The following DAPK1 variants were observed in gnomAD, a reference collection of about 807,000 sequenced individuals.
DAPK1 encodes death-associated protein kinase 1.
In DAPK1, 56 loss-of-function variants were observed where a neutral mutation model predicts 144.9. The observed-to-expected ratio is 0.39, with a 90% CI of 0.31 to 0.48. DAPK1 has a LOEUF of 0.48. DAPK1 is among the 20% of genes least tolerant of loss of function. The pLI is 0.95. For missense variants in DAPK1, 1,454 were observed against 1,875.4 expected (o/e 0.78, Z 4.15); for synonymous variants, 690 against 749.0 (o/e 0.92, Z 1.29).
intron 18 of DAPK1, among the ~76,000 whole-genome samples, chr9:87,662,712 CAG>C (rs1830907386): frequency 6.6e-6 from 1 of 151,484 alleles, no homozygotes; most frequent in South Asian, 2.1e-4. Flanking sequence ...TTTATTAACT[CAG>C]AATTTTTTGG....
At chr9:87,556,870 G>A (rs1826739257) in intron 2 of DAPK1, among the ~76,000 whole-genome samples, 1 of 152,206 alleles carries the variant, frequency 6.6e-6, no homozygotes, top group Non-Finnish European at 1.5e-5. Flanking sequence ...CAGAGCCTTT[G>A]CAGGCCAGGC....
chr9:87,575,781 G>A (rs1024544761), intron 2 of DAPK1, among the ~76,000 whole-genome samples: 1 of 152,182 alleles, frequency 6.6e-6, no homozygotes, highest in African/African-American at 2.4e-5. Flanking sequence ...TTAGAAAAGA[G>A]TGTACGAAGA....
intron 18 of DAPK1, among the ~76,000 whole-genome samples, chr9:87,665,279 G>A (rs1053032907): frequency 2.0e-5 from 3 of 152,106 alleles, no homozygotes; most frequent in Admixed American, 6.6e-5. Context: ...TGTATCCATA[G>A]CCCTGTGCAT....
chr9:87,661,811 G>C (rs1830857202), intron 18 of DAPK1, among the ~76,000 whole-genome samples: 1 of 152,096 alleles, frequency 6.6e-6, no homozygotes. Flanking sequence ...TTCTTTTGCT[G>C]TGCAGAAGCT....
At chr9:87,538,939 A>G (rs1030043916) in intron 2 of DAPK1, among the ~76,000 whole-genome samples, 1 of 151,262 alleles carries the variant, frequency 6.6e-6, no homozygotes, top group African/African-American at 2.4e-5. Flanking sequence ...TCTGCTAAAC[A>G]GCCCCACTGG....
intron 2 of DAPK1, among the ~76,000 whole-genome samples, chr9:87,591,681 A>G (rs1225415159): frequency 6.6e-6 from 1 of 152,236 alleles, no homozygotes; most frequent in African/African-American, 2.4e-5. Flanking sequence ...CAACAAACCA[A>G]TTCTTCTATC....
At chr9:87,544,066 T>C (rs1826150557) in intron 2 of DAPK1, among the ~76,000 whole-genome samples, 1 of 152,224 alleles carries the variant, frequency 6.6e-6, no homozygotes, top group African/African-American at 2.4e-5. Context: ...TATATAAATA[T>C]GTTAGCTTAA....
At chr9:87,599,800 C>T (rs1587754571) in intron 2 of DAPK1, among the ~76,000 whole-genome samples, 1 of 152,180 alleles carries the variant, frequency 6.6e-6, no homozygotes. Flanking sequence ...TAAACCATTG[C>T]TCTTAGGAGA....
chr9:87,554,836 T>G (rs1861833), intron 2 of DAPK1, among the ~76,000 whole-genome samples: 115,954 of 152,156 alleles, frequency 0.76, 45,057 homozygotes, highest in African/African-American at 0.92. Context: ...TCTGAGAGTG[T>G]CAGGGCTTCT....
At chr9:87,696,935 C>A in intron 21 of DAPK1, 72 bp from the exon 22 acceptor site, 1 of 823,886 alleles carries the variant, frequency 1.2e-6, no homozygotes, top group Admixed American at 1.7e-5. Context: ...ATCCGTGGAA[C>A]GCTAAGAGAA....
At chr9:87,499,431 C>T in intron 2 of DAPK1, 4 of 435,298 alleles carry the variant, frequency 9.2e-6, no homozygotes, top group Non-Finnish European at 1.2e-5. Flanking sequence ...CAGCCCTTGC[C>T]CTTCTGTGAC....
At chr9:87,607,561 T>A (rs1828773800) in intron 3 of DAPK1, among the ~76,000 whole-genome samples, 2 of 152,218 alleles carry the variant, frequency 1.3e-5, no homozygotes, top group Non-Finnish European at 2.9e-5. Flanking sequence ...ACTCTGTGCC[T>A]AAATTGGGTG....
chr9:87,530,649 G>C (rs2118350998), intron 2 of DAPK1, among the ~76,000 whole-genome samples: 2 of 152,316 alleles, frequency 1.3e-5, no homozygotes, highest in South Asian at 2.1e-4. Flanking sequence ...TTTAAAAAGA[G>C]AGACATGCTA....
intron 2 of DAPK1, among the ~76,000 whole-genome samples, chr9:87,596,697 T>C (rs7874986): frequency 0.13 from 19,584 of 152,204 alleles, 1,898 homozygotes; most frequent in African/African-American, 0.26. Context: ...ACCTAGTCAC[T>C]TTCTGTGTCG....
intron 3 of DAPK1, among the ~76,000 whole-genome samples, chr9:87,627,241 G>A (rs7032689): frequency 0.53 from 80,642 of 152,020 alleles, 23,743 homozygotes; most frequent in African/African-American, 0.78. Context: ...CATCACGTCT[G>A]TGATCTCCAT....
chr9:87,632,667 T>C, intron 3 of DAPK1: 1 of 981,898 alleles, frequency 1.0e-6, no homozygotes, highest in Non-Finnish European at 1.2e-6. Context: ...TGTGTAGAAA[T>C]GAAGGAAGAT....
chr9:87,549,101 C>A (rs1340271199), intron 2 of DAPK1, among the ~76,000 whole-genome samples: 1 of 151,936 alleles, frequency 6.6e-6, no homozygotes, highest in Non-Finnish European at 1.5e-5. Flanking sequence ...CTCCCTGCAT[C>A]CCCCACAGGC....
At chr9:87,670,759 G>A (rs1485388701) in intron 19 of DAPK1, among the ~76,000 whole-genome samples, 1 of 152,158 alleles carries the variant, frequency 6.6e-6, no homozygotes, top group Non-Finnish European at 1.5e-5. Flanking sequence ...CTAAGAAACT[G>A]TATTACAGAG....
In DAPK1 at chr9:87,706,655, A is replaced by G. The variant is rs1320406247; in HGVS notation, c.3584A>G (p.Glu1195Gly). Residue 1195 changes from glutamate to glycine, a missense_variant, in exon 26 of 26, where the codon GAG (glutamate) becomes GGG (glycine). Around this residue, in one of 2 missense-constraint regions of DAPK1, gnomAD observed 1,025 missense variants for 1,237.9 expected, o/e 0.83. Coordinates refer to ENST00000408954, the MANE Select transcript of DAPK1 (RefSeq NM_004938.4). The surrounding 1 kb of genome is among the most constrained non-coding windows in gnomAD (Gnocchi z 9.0). The part of the protein sequence containing the change: ...VLLVNHGQGI[E>G]VQVRGLETEK... ...CTGGTCAACCACGGCCAGGGCATTGAGGTCCAGGTCCGCGGCCTGGAGACG... is the reference window on the plus strand; with the variant it reads ...CTGGTCAACCACGGCCAGGGCATTGGGGTCCAGGTCCGCGGCCTGGAGACG... 1 of 1,611,924 alleles carries G rather than the reference A, an allele frequency of 6.2e-7. No individual in the cohort carries two copies. The highest frequency in any genetic ancestry group is 8.5e-7 in the Non-Finnish European group (1 of 1,178,914).
Sources: gnomAD v4.1 joint callset for allele counts (sites outside exome capture counted in the v4.1 genomes callset) on GRCh38, gnomAD v4.1.1 for gene constraint, gnomAD v4.1.1 regional missense constraint, Gnocchi (gnomAD v3.1) non-coding constraint, MANE v1.5 for transcripts, NCBI Gene and HGNC (gene_info 2026-07-23, HGNC 2026-07-21) for gene names.